Variants in CDIN1 observed in about 807,000 individuals in gnomAD.
The protein encoded by CDIN1 is CDAN1-interacting nuclease 1.
CDIN1 carries 33 observed loss-of-function variants against 45.3 expected under a neutral mutation model. That is an observed-to-expected ratio of 0.73 (90% CI 0.55 to 0.97). CDIN1 has a LOEUF of 0.97. Ranked by LOEUF, CDIN1 falls within the 50% of genes least tolerant of loss-of-function variation. The pLI, the probability that CDIN1 is intolerant of heterozygous loss-of-function variation, is 0.00. For missense variants in CDIN1, 303 were observed against 339.4 expected (o/e 0.89, Z 0.84); for synonymous variants, 118 against 124.4 (o/e 0.95, Z 0.34).
chr15:36,659,383 A>G (rs2040902611), intron 5 of CDIN1, among the ~76,000 whole-genome samples: 1 of 152,196 alleles, frequency 6.6e-6, no homozygotes, highest in African/African-American at 2.4e-5. Context: ...TATAATTCCA[A>G]TGCTAGGATT....
chr15:36,712,946 A>G (rs2043106556), intron 10 of CDIN1, among the ~76,000 whole-genome samples: 1 of 152,202 alleles, frequency 6.6e-6, no homozygotes, highest in South Asian at 2.1e-4. Flanking sequence ...ACATTTCCTT[A>G]TGAAATCAAC....
chr15:36,594,388 A>G (rs1482686123), intron 1 of CDIN1, among the ~76,000 whole-genome samples: 2 of 152,240 alleles, frequency 1.3e-5, no homozygotes, highest in African/African-American at 4.8e-5. Flanking sequence ...ATTATTTGCC[A>G]TATAACTCTT....
intron 1 of CDIN1, among the ~76,000 whole-genome samples, chr15:36,608,473 G>C (rs1201721006): frequency 1.3e-5 from 2 of 151,964 alleles, no homozygotes; most frequent in Admixed American, 6.6e-5. Flanking sequence ...TATTTTCTTT[G>C]AAGAAATGTC....
chr15:36,697,451 T>A, intron 8 of CDIN1, 61 bp downstream of exon 8: 1 of 1,315,864 alleles, frequency 7.6e-7, no homozygotes, highest in Non-Finnish European at 1.1e-6. Context: ...AAATATATAT[T>A]TTAAAAATCT....
intron 8 of CDIN1, chr15:36,706,878 A>G (rs2042885566): frequency 6.6e-6 from 1 of 152,156 alleles, no homozygotes; most frequent in African/African-American, 2.4e-5. Flanking sequence ...TAGGCTTTGT[A>G]AAGACATGGA....
At chr15:36,645,005 TAC>T (rs1566861402) in intron 2 of CDIN1, among the ~76,000 whole-genome samples, 1 of 152,172 alleles carries the variant, frequency 6.6e-6, no homozygotes, top group Non-Finnish European at 1.5e-5. Context: ...TACCTTGTGG[TAC>T]AGTCTGAAGA....
intron 10 of CDIN1, among the ~76,000 whole-genome samples, chr15:36,758,040 A>C (rs2053656068): frequency 6.6e-6 from 1 of 152,014 alleles, no homozygotes; most frequent in Admixed American, 6.6e-5. Flanking sequence ...ATAGGAAAAA[A>C]CATAGTACAT....
chr15:36,789,708 A>G (rs1178070230), intron 10 of CDIN1, among the ~76,000 whole-genome samples: 1 of 152,214 alleles, frequency 6.6e-6, no homozygotes, highest in Non-Finnish European at 1.5e-5. Context: ...TGCCCCACAC[A>G]TGATGTCCTT....
chr15:36,606,461 T>C (rs2038383605), intron 1 of CDIN1, among the ~76,000 whole-genome samples: 1 of 152,108 alleles, frequency 6.6e-6, no homozygotes, highest in Non-Finnish European at 1.5e-5. Context: ...ATGCTAGAGG[T>C]GTACCCATAA....
rs181686404 is a variant in CDIN1, at chr15:36,773,186, G to A, written c.717-35138G>A. Among the ~76,000 whole-genome samples the A allele has an allele frequency of 3.8e-3, 575 of 152,268 alleles. 3 individuals are homozygous for A. Among genetic ancestry groups the A allele is most frequent in the African/African-American group, 0.013 (543 of 41,556 alleles). On this transcript the variant is annotated intron_variant, in intron 10 of 10. Transcript: ENST00000566621. ...TGGGCTCAGACAGTGACTGAAAACT[G>A]AGATTTCTCTCCACTCTTGCCAATG...
chr15:36,590,590 A>T (rs2037526119), intron 1 of CDIN1, among the ~76,000 whole-genome samples: 1 of 152,164 alleles, frequency 6.6e-6, no homozygotes, highest in Non-Finnish European at 1.5e-5. Flanking sequence ...TCCAAGACTA[A>T]GATTTAAAAT....
intron 10 of CDIN1, among the ~76,000 whole-genome samples, chr15:36,766,021 C>T (rs2053915027): frequency 6.6e-6 from 1 of 152,180 alleles, no homozygotes; most frequent in Admixed American, 6.5e-5. Flanking sequence ...ATTTATTCCT[C>T]TTGCATAACT....
chr15:36,651,575 G>T (rs1424250428), intron 3 of CDIN1, among the ~76,000 whole-genome samples: 4 of 152,066 alleles, frequency 2.6e-5, no homozygotes, highest in Non-Finnish European at 5.9e-5. Context: ...CACTTATGAG[G>T]TGCTACAGGT....
At chr15:36,702,128 G>C in intron 8 of CDIN1, 1 of 702,104 alleles carries the variant, frequency 1.4e-6, no homozygotes, top group Non-Finnish European at 2.6e-6. Context: ...CGATTATGTA[G>C]GCTGAAGGGA....
At chr15:36,652,822 A>C (rs139987067) in intron 3 of CDIN1, among the ~76,000 whole-genome samples, 228 of 152,342 alleles carry the variant, frequency 1.5e-3, no homozygotes, top group Non-Finnish European at 2.6e-3. Context: ...AATATAATTT[A>C]GTACCTACTT....
At chr15:36,699,096 A>G (rs2042539743) in intron 8 of CDIN1, among the ~76,000 whole-genome samples, 1 of 152,174 alleles carries the variant, frequency 6.6e-6, no homozygotes, top group South Asian at 2.1e-4. Flanking sequence ...CTCAAACAGG[A>G]TATTTAATTG....
chr15:36,756,433 C>T (rs934756854), intron 10 of CDIN1, among the ~76,000 whole-genome samples: 1 of 152,102 alleles, frequency 6.6e-6, no homozygotes, highest in Admixed American at 6.5e-5. Flanking sequence ...TTTGTTATAT[C>T]CTTGCCTAAA....
chr15:36,692,805 T>A lies in CDIN1; in HGVS notation c.476+630T>A, dbSNP rs1212267695. Reference sequence around the variant, plus strand: ...GACATTGAGATTACTAAAGAGTTAATGTTCACTTTTTAAAACAAGATTGAA... The same window carrying A: ...GACATTGAGATTACTAAAGAGTTAAAGTTCACTTTTTAAAACAAGATTGAA... On this transcript the variant is annotated intron_variant, in intron 7 of 10. Transcript: ENST00000566621. Among the ~76,000 whole-genome samples the A allele has an allele frequency of 2.6e-5, 4 of 152,234 alleles. No individual in the cohort carries two copies. In the East Asian group the frequency reaches 7.7e-4, roughly 29 times the overall value.
intron 10 of CDIN1, among the ~76,000 whole-genome samples, chr15:36,753,226 G>A (rs182761171): frequency 6.6e-6 from 1 of 152,194 alleles, no homozygotes; most frequent in East Asian, 1.9e-4. Context: ...TATTCCAATC[G>A]TTAACATTCC....
Sources: allele counts gnomAD v4.1 joint callset (sites outside exome capture counted in the v4.1 genomes callset), GRCh38; gene constraint gnomAD v4.1.1; transcripts MANE v1.5; gene names NCBI Gene and HGNC (gene_info 2026-07-23, HGNC 2026-07-21).